Variants in CHD6 observed in about 807,000 individuals in gnomAD.
CHD6 encodes the protein ATP-dependent chromatin remodeler CHD6.
In CHD6, 50 loss-of-function variants were observed where a neutral mutation model predicts 276.9. The observed-to-expected ratio is 0.18, with a 90% confidence interval of 0.14 to 0.23. The LOEUF (loss-of-function observed/expected upper bound fraction) is 0.23. CHD6 is among the 10% of genes least tolerant of loss of function. The probability of loss-of-function intolerance (pLI) is 1.00; values close to 1 mark genes in which losing one functional copy is unlikely to be tolerated. For missense variants in CHD6, 2,564 were observed against 3,365.8 expected, an observed-to-expected ratio of 0.76 and a Z score of 5.89; for synonymous variants, 1,173 against 1,229.3, an observed-to-expected ratio of 0.95 and a Z score of 0.96.
chr20:41,584,812 A>T (rs1287988946), intron 1 of CHD6, among the ~76,000 whole-genome samples: 1 of 152,200 alleles, frequency 6.6e-6, no homozygotes, highest in Non-Finnish European at 1.5e-5. Context: ...AACAGTGCTT[A>T]GACAAAAGTT....
intron 27 of CHD6, among the ~76,000 whole-genome samples, chr20:41,436,492 G>T (rs1214847431): frequency 6.6e-6 from 1 of 152,154 alleles, no homozygotes; most frequent in Non-Finnish European, 1.5e-5. Flanking sequence ...ACTATCATAT[G>T]ACCCAGCAAT....
At chr20:41,562,940 T>G (rs1267196098) in intron 1 of CHD6, among the ~76,000 whole-genome samples, 1 of 152,220 alleles carries the variant, frequency 6.6e-6, no homozygotes, top group Non-Finnish European at 1.5e-5. Context: ...CTGCCAAATA[T>G]TACTTGTGAG....
intron 19 of CHD6, 48 bp downstream of exon 19, chr20:41,455,752 T>C (rs746564343): frequency 1.5e-6 from 2 of 1,294,436 alleles, no homozygotes; most frequent in East Asian, 5.1e-5. Context: ...GAATAAACAT[T>C]TTTTTTTCTC....
intron 11 of CHD6, among the ~76,000 whole-genome samples, chr20:41,490,319 T>G (rs2043518523): frequency 6.6e-6 from 1 of 152,166 alleles, no homozygotes; most frequent in African/African-American, 2.4e-5. Flanking sequence ...AGAGTGTACC[T>G]ACTAAACCTA....
At chr20:41,519,935 GC>G (rs2044346635) in intron 3 of CHD6, among the ~76,000 whole-genome samples, 1 of 152,132 alleles carries the variant, frequency 6.6e-6, no homozygotes, top group Admixed American at 6.6e-5. Context: ...CTGACAAAGG[GC>G]TAATATCCAG....
At chr20:41,430,132 A>T (rs916105074) in intron 27 of CHD6, among the ~76,000 whole-genome samples, 3 of 152,164 alleles carry the variant, frequency 2.0e-5, no homozygotes, top group Admixed American at 1.3e-4. Flanking sequence ...CCATCCCTCT[A>T]TGTGTGTGTG....
chr20:41,502,691 T>C lies in CHD6; in HGVS notation c.853-3334A>G, dbSNP rs186491574. On this transcript the variant is annotated intron_variant, in intron 5 of 36. Transcript: ENST00000373233. ...TTAGTTTTTGACTGGGTTTGAATTA[T>C]AGACATCTTAGCAGTATTAAATAAC... Among the ~76,000 whole-genome samples, 332 of 152,358 alleles carry C rather than the reference T, an allele frequency of 2.2e-3. 1 individual carries two copies. The highest frequency in any genetic ancestry group is 0.014 in the Middle Eastern group (4 of 294).
chr20:41,402,910 T>C lies in CHD6; in HGVS notation c.*1683A>G, dbSNP rs1247701022. ...GATTTGTTCAATTACTGGATTCTTC[T>C]TCTATGATCAGTTATAGAATTTCTG... is the stretch of plus-strand genomic sequence containing the variant. On this transcript the variant is annotated 3_prime_UTR_variant, in exon 37 of 37. Coordinates refer to ENST00000373233, the MANE Select transcript of CHD6 (RefSeq NM_032221.5). The C allele has an allele frequency of 4.8e-6, 1 of 206,758 alleles. No homozygotes were observed. Among genetic ancestry groups the C allele is most frequent in the Non-Finnish European group, 9.9e-6 (1 of 101,128 alleles). 12.8% of individuals were successfully genotyped at this position (206,758 alleles called of 1,614,324 possible).
At chr20:41,553,810 C>T (rs1279419499) in intron 1 of CHD6, among the ~76,000 whole-genome samples, 2 of 152,166 alleles carry the variant, frequency 1.3e-5, no homozygotes. Context: ...GTATTTCTAA[C>T]AATATGTCTC....
chr20:41,524,413 TTA>T (rs1883425225), intron 3 of CHD6, among the ~76,000 whole-genome samples: 1 of 152,118 alleles, frequency 6.6e-6, no homozygotes, highest in Non-Finnish European at 1.5e-5. Flanking sequence ...AAAATGGAGA[TTA>T]GAGAGGTTTG....
intron 3 of CHD6, among the ~76,000 whole-genome samples, chr20:41,528,324 G>T (rs2044594258): frequency 6.6e-6 from 1 of 152,062 alleles, no homozygotes; most frequent in Non-Finnish European, 1.5e-5. Flanking sequence ...GTACAGCTAT[G>T]TATGCATAGG....
At chr20:41,581,622 G>A (rs1251947627) in intron 1 of CHD6, among the ~76,000 whole-genome samples, 1 of 150,872 alleles carries the variant, frequency 6.6e-6, no homozygotes, top group Non-Finnish European at 1.5e-5. Context: ...GCTGCAGTGA[G>A]CCGAGATCAT....
chr20:41,410,052 C>T (rs1278952992), intron 36 of CHD6, among the ~76,000 whole-genome samples: 1 of 152,170 alleles, frequency 6.6e-6, no homozygotes, highest in Admixed American at 6.5e-5. Flanking sequence ...CCGTCCAAAC[C>T]ACAGCACGTG....
At chr20:41,436,599 G>A (rs2047716305) in intron 27 of CHD6, among the ~76,000 whole-genome samples, 2 of 152,044 alleles carry the variant, frequency 1.3e-5, no homozygotes, top group Non-Finnish European at 2.9e-5. Context: ...TCAAAAACTG[G>A]AAACAACCCA....
In CHD6 at chr20:41,498,807, A is replaced by ATGTG. The variant is rs753690840; in HGVS notation, c.915+487_915+488insCACA. On this transcript the variant is annotated intron_variant, in intron 6 of 36. Coordinates refer to ENST00000373233, the MANE Select transcript of CHD6 (RefSeq NM_032221.5). The stretch of plus-strand genomic sequence containing the variant: ...TATGTATGTATGTATGTATGTATGT[A>ATGTG]TGTATGTGTGTGTGTGTGTGTGTGT... Among the ~76,000 whole-genome samples the ATGTG allele has an allele frequency of 2.5e-3, 289 of 117,698 alleles. 1 individual carries two copies. Among genetic ancestry groups the ATGTG allele is most frequent in the East Asian group, 0.012 (53 of 4,290 alleles). The allele number at this position is 117,698 out of a possible 152,430, so 77.2% of individuals were successfully genotyped here.
intron 36 of CHD6, among the ~76,000 whole-genome samples, chr20:41,406,839 G>A (rs941930130): frequency 6.6e-6 from 1 of 152,200 alleles, no homozygotes; most frequent in Non-Finnish European, 1.5e-5. Context: ...AACTGTACTT[G>A]TGCAGTTCAG....
intron 3 of CHD6, among the ~76,000 whole-genome samples, chr20:41,520,260 T>C (rs1007119180): frequency 7.2e-5 from 11 of 152,186 alleles, no homozygotes; most frequent in African/African-American, 2.2e-4. Context: ...GAAGTCAGTG[T>C]GGTGATTCCT....
chr20:41,604,935 G>A (rs1476684890), intron 1 of CHD6, among the ~76,000 whole-genome samples: 1 of 152,120 alleles, frequency 6.6e-6, no homozygotes, highest in East Asian at 1.9e-4. Flanking sequence ...GGAGTTGGGG[G>A]TGGGGAGGCT....
At chr20:41,490,502 G>A (rs942153679) in intron 11 of CHD6, among the ~76,000 whole-genome samples, 1 of 152,124 alleles carries the variant, frequency 6.6e-6, no homozygotes, top group Admixed American at 6.6e-5. Flanking sequence ...TAAAAATAGA[G>A]CAAAATATAG....
Sources: gnomAD v4.1 joint callset for allele counts (sites outside exome capture counted in the v4.1 genomes callset) on GRCh38, gnomAD v4.1.1 for gene constraint, MANE v1.5 for transcripts, NCBI Gene and HGNC (gene_info 2026-07-23, HGNC 2026-07-21) for gene names.